The following PRLR variants were observed in gnomAD, a reference collection of about 807,000 sequenced individuals.
PRLR encodes the protein hPRL receptor.
PRLR carries 13 observed loss-of-function variants against 40.2 expected under a neutral mutation model. That is an observed-to-expected ratio of 0.32 (90% CI 0.21 to 0.51). The LOEUF is 0.51. Among genes scored for constraint, PRLR ranks in the 20% least tolerant of loss-of-function variants. The pLI, the probability that PRLR is intolerant of heterozygous loss-of-function variation, is 0.97. For missense variants in PRLR, 656 were observed against 747.3 expected, an observed-to-expected ratio of 0.88 and a Z score of 1.42; for synonymous variants, 269 against 278.7, an observed-to-expected ratio of 0.97 and a Z score of 0.35.
chr5:35,157,398 A>G (rs1299840061), intron 1 of PRLR, among the ~76,000 whole-genome samples: 2 of 152,134 alleles, frequency 1.3e-5, no homozygotes, highest in Non-Finnish European at 2.9e-5. Flanking sequence ...TATAGATGCT[A>G]CTGTATCCAT....
In PRLR at chr5:35,064,659, G is replaced by A. The variant is rs1298190903; in HGVS notation, c.*430C>T. 6.1e-6 allele frequency: 1 copy of A among 164,752 alleles called. No homozygotes were observed. The highest frequency in any genetic ancestry group is 2.4e-5 in the African/African-American group (1 of 41,566). The allele number at this position is 164,752 out of a possible 1,614,324, so 10.2% of individuals were successfully genotyped here. On this transcript the variant is annotated 3_prime_UTR_variant, in exon 10 of 10. Coordinates refer to ENST00000618457, the MANE Select transcript of PRLR (RefSeq NM_000949.7). The stretch of plus-strand genomic sequence containing the variant: ...GGACGAGGAGTGTAAAGGTTATGCA[G>A]TTGTTTTTCAAAAGCAATTTTCATG...
At chr5:35,150,389 G>A (rs1181564925) in intron 1 of PRLR, among the ~76,000 whole-genome samples, 4 of 152,182 alleles carry the variant, frequency 2.6e-5, no homozygotes, top group Non-Finnish European at 5.9e-5. Context: ...GCAACGATGG[G>A]CTCTGCTTTT....
At chr5:35,223,321 G>GAAACAA (rs1000674058) in intron 1 of PRLR, among the ~76,000 whole-genome samples, 1 of 152,130 alleles carries the variant, frequency 6.6e-6, no homozygotes, top group African/African-American at 2.4e-5. Flanking sequence ...AATTGAGACA[G>GAAACAA]AAACAAAAAC....
intron 2 of PRLR, among the ~76,000 whole-genome samples, chr5:35,112,366 G>T (rs749536346): frequency 6.6e-6 from 1 of 152,096 alleles, no homozygotes; most frequent in East Asian, 1.9e-4. Context: ...TTAAAAAGGC[G>T]TTTAATAAAT....
At chr5:35,108,129 G>T (rs529702849) in intron 2 of PRLR, among the ~76,000 whole-genome samples, 2 of 152,214 alleles carry the variant, frequency 1.3e-5, no homozygotes, top group East Asian at 3.9e-4. Context: ...AAAACCACAT[G>T]ATTATCTCAA....
At chr5:35,194,296 G>C (rs1361607331) in intron 1 of PRLR, among the ~76,000 whole-genome samples, 1 of 152,180 alleles carries the variant, frequency 6.6e-6, no homozygotes, top group Non-Finnish European at 1.5e-5. Flanking sequence ...ATGACACTCT[G>C]TCTATAAAAT....
At chr5:35,113,055 C>T (rs1465570650) in intron 2 of PRLR, among the ~76,000 whole-genome samples, 2 of 152,098 alleles carry the variant, frequency 1.3e-5, no homozygotes, top group Non-Finnish European at 2.9e-5. Context: ...GTGGCTGGAA[C>T]ATCCATCCAC....
intron 1 of PRLR, among the ~76,000 whole-genome samples, chr5:35,170,712 T>TA (rs949055070): frequency 6.6e-6 from 1 of 152,034 alleles, no homozygotes; most frequent in Non-Finnish European, 1.5e-5. Context: ...AACCTACCTC[T>TA]AAAAAAAGAA....
At position 35,141,794 on chromosome 5, in the gene PRLR, G is replaced by A. The variant is rs941842120; in HGVS notation, c.-105-23672C>T. Among the ~76,000 whole-genome samples the A allele has an allele frequency of 2.0e-5, 3 of 152,098 alleles. No homozygotes were observed. The South Asian group carries it at 6.2e-4, about 32-fold the overall frequency. On this transcript the variant is annotated intron_variant, in intron 1 of 9. Transcript: ENST00000618457. ...AGTCTATGCTTTAGGGAGCCTTTCT[G>A]GACTATGCCCTCCCACCCCCAACTC...
rs1241124482 is a variant in PRLR at position 35,191,131 on chromosome 5, C to T, written c.-106+39137G>A. On this transcript the variant is annotated intron_variant, in intron 1 of 9. Coordinates refer to ENST00000618457, the MANE Select transcript of PRLR (RefSeq NM_000949.7). Reference sequence around the variant, plus strand: ...TGTCGCCCAGGCTGGAGTGCAGTGGCGCAATCTCGGCTCACTGCAAGCTCC... The same window carrying T: ...TGTCGCCCAGGCTGGAGTGCAGTGGTGCAATCTCGGCTCACTGCAAGCTCC... 7.8e-5 allele frequency among the ~76,000 whole-genome samples: 6 copies of T among 77,054 alleles called. 2 individuals carry two copies. Among genetic ancestry groups the T allele is most frequent in the African/African-American group, 1.8e-4 (4 of 21,724 alleles). 50.6% of individuals were successfully genotyped at this position (77,054 alleles called of 152,430 possible).
chr5:35,122,198 T>C (rs1413098128), intron 1 of PRLR, among the ~76,000 whole-genome samples: 1 of 152,174 alleles, frequency 6.6e-6, no homozygotes, highest in Non-Finnish European at 1.5e-5. Flanking sequence ...GAACCACAGG[T>C]ATAAACCTAA....
At chr5:35,228,570 G>T in intron 1 of PRLR, among the ~76,000 whole-genome samples, 1 of 152,224 alleles carries the variant, frequency 6.6e-6, no homozygotes, top group East Asian at 1.9e-4. Context: ...GACCTGAAGA[G>T]CACTCTGATT....
At chr5:35,185,366 G>A (rs1223761697) in intron 1 of PRLR, among the ~76,000 whole-genome samples, 1 of 152,034 alleles carries the variant, frequency 6.6e-6, no homozygotes, top group African/African-American at 2.4e-5. Flanking sequence ...TTCTAAGGTA[G>A]TATGCTTTTA....
intron 1 of PRLR, among the ~76,000 whole-genome samples, chr5:35,140,680 A>G (rs1022390682): frequency 6.6e-6 from 1 of 152,246 alleles, no homozygotes; most frequent in African/African-American, 2.4e-5. Flanking sequence ...TGTATACAGT[A>G]ACTATAATGC....
intron 1 of PRLR, among the ~76,000 whole-genome samples, chr5:35,219,545 G>C (rs1776366406): frequency 6.6e-6 from 1 of 152,218 alleles, no homozygotes; most frequent in Non-Finnish European, 1.5e-5. Flanking sequence ...CTGATCAACT[G>C]TAGAAAGCCC....
intron 1 of PRLR, among the ~76,000 whole-genome samples, chr5:35,123,175 C>T (rs759615387): frequency 6.6e-6 from 1 of 152,070 alleles, no homozygotes; most frequent in African/African-American, 2.4e-5. Context: ...GAATTCCTTT[C>T]GTTAGTGGAT....
In PRLR at chr5:35,126,870, C is replaced by G. The variant is rs555672174; in HGVS notation, c.-105-8748G>C. ...TCAAAACATCTCTAGGAAATAAGAA[C>G]CATTATTATCTTCACTTGCTGATGA... On this transcript the variant is annotated intron_variant, in intron 1 of 9. Coordinates refer to ENST00000618457, the MANE Select transcript of PRLR (RefSeq NM_000949.7). Among the ~76,000 whole-genome samples the G allele has an allele frequency of 1.7e-3, 258 of 152,224 alleles. 1 individual carries two copies. Among genetic ancestry groups the G allele is most frequent in the African/African-American group, 6.1e-3 (255 of 41,528 alleles).
chr5:35,128,941 C>T (rs1561322645), intron 1 of PRLR, among the ~76,000 whole-genome samples: 1 of 152,146 alleles, frequency 6.6e-6, no homozygotes, highest in Admixed American at 6.5e-5. Flanking sequence ...CCCCGTATTC[C>T]CTCTTTTTCC....
At position 35,105,161 on chromosome 5, in the gene PRLR, G is replaced by C. The variant is rs150356311; in HGVS notation, c.-44+12900C>G. Among the ~76,000 whole-genome samples, 564 of 152,320 alleles carry C rather than the reference G, an allele frequency of 3.7e-3. 3 individuals are homozygous for C. The highest frequency in any genetic ancestry group is 0.012 in the African/African-American group (490 of 41,576). On this transcript the variant is annotated intron_variant, in intron 2 of 9. Coordinates refer to ENST00000618457, the MANE Select transcript of PRLR (RefSeq NM_000949.7). ...CAACAGACCTGCAGCTGAGGGTCCT[G>C]ACTGTTAGAAGGAAAAACTAACAAA...
Sources: allele counts gnomAD v4.1 joint callset (sites outside exome capture counted in the v4.1 genomes callset), GRCh38; gene constraint gnomAD v4.1.1; transcripts MANE v1.5; gene names NCBI Gene and HGNC (gene_info 2026-07-23, HGNC 2026-07-21).